LDB3: variants seen among roughly 807,000 people sequenced by gnomAD.
LDB3 encodes LIM domain-binding protein 3.
Under a neutral mutation model 69.0 loss-of-function variants are expected in LDB3, and 49 were observed. The ratio of observed to expected loss-of-function variants is 0.71; its 90% CI spans 0.56 to 0.90. The LOEUF is 0.90. LDB3 is among the 40% of genes least tolerant of loss of function. The probability of loss-of-function intolerance (pLI) is 0.00; values close to 1 mark genes in which losing one functional copy is unlikely to be tolerated. For missense variants in LDB3, 928 were observed against 974.1 expected, an observed-to-expected ratio of 0.95 and a Z score of 0.63; for synonymous variants, 387 against 396.2, an observed-to-expected ratio of 0.98 and a Z score of 0.28.
chr10:86,676,574 A>AAG (rs1564631218), intron 2 of LDB3, among the ~76,000 whole-genome samples: 3 of 143,866 alleles, frequency 2.1e-5, no homozygotes, highest in Admixed American at 7.1e-5. Context: ...CAAAAAAAAA[A>AAG]AAAAAGAGAA....
chr10:86,683,943 G>A (rs1411061419), intron 5 of LDB3, among the ~76,000 whole-genome samples: 1 of 152,230 alleles, frequency 6.6e-6, no homozygotes. Flanking sequence ...AACAGGCTGG[G>A]ACGGGTGGGT....
chr10:86,675,690 T>A (rs1844758075), intron 2 of LDB3, among the ~76,000 whole-genome samples: 1 of 152,344 alleles, frequency 6.6e-6, no homozygotes, highest in South Asian at 2.1e-4. Context: ...TTCTTTGAAA[T>A]GCCCGGCAAA....
At chr10:86,698,515 C>T (rs1332835039) in intron 7 of LDB3, among the ~76,000 whole-genome samples, 4 of 152,152 alleles carry the variant, frequency 2.6e-5, no homozygotes, top group Non-Finnish European at 4.4e-5. Context: ...TTCATTCCCA[C>T]GTTTCTGACT....
intron 2 of LDB3, among the ~76,000 whole-genome samples, chr10:86,678,104 TA>T (rs1844902538): frequency 6.7e-6 from 1 of 148,200 alleles, no homozygotes; most frequent in Non-Finnish European, 1.5e-5. Flanking sequence ...GGCATAATCT[TA>T]GCTCACTACA....
chr10:86,699,159 T>G lies in LDB3; in HGVS notation c.896+6588T>G. On this transcript the variant is annotated intron_variant, in intron 7 of 13. Coordinates refer to ENST00000361373, the MANE Select transcript of LDB3 (RefSeq NM_007078.3). This position sits in a 1 kb window ranked among gnomAD's most constrained non-coding sequence, Gnocchi z 4.9. ...CCTCCCATGCCCTCTGCCCCACCTG[T>G]TAGACAGGGGAATGGTGAACACATT... is the stretch of plus-strand genomic sequence containing the variant. 17 of 1,170,650 alleles carry G rather than the reference T, an allele frequency of 1.5e-5. No individual in the cohort carries two copies. The highest frequency in any genetic ancestry group is 5.2e-5 in the East Asian group (2 of 38,166). 72.5% of individuals were successfully genotyped at this position (1,170,650 alleles called of 1,614,324 possible).
At chr10:86,675,603 C>T (rs1471817750) in intron 2 of LDB3, among the ~76,000 whole-genome samples, 6 of 152,192 alleles carry the variant, frequency 3.9e-5, no homozygotes, top group Non-Finnish European at 1.5e-5. Flanking sequence ...TGTGGGGGAG[C>T]CCCATGGGCA....
chr10:86,690,509 T>C (rs1845705345), intron 5 of LDB3, among the ~76,000 whole-genome samples: 1 of 152,204 alleles, frequency 6.6e-6, no homozygotes, highest in African/African-American at 2.4e-5. Context: ...GGCAGGGCCT[T>C]CAGCGAAGCC....
chr10:86,691,867 C>G (rs1421943226), intron 5 of LDB3, 29 bp from the exon 6 acceptor site: 17 of 1,613,552 alleles, frequency 1.1e-5, no homozygotes, highest in Non-Finnish European at 1.4e-5. Context: ...CAGCCTAGCC[C>G]TCGCCCACGG....
At chr10:86,707,133 G>C (rs899332382) in intron 8 of LDB3, among the ~76,000 whole-genome samples, 1 of 152,098 alleles carries the variant, frequency 6.6e-6, no homozygotes, top group African/African-American at 2.4e-5. Flanking sequence ...AGTTGTCCCT[G>C]TGGGCTGGAG....
In LDB3 at chr10:86,668,727, C is replaced by A. The variant is rs1564626136; in HGVS notation, c.36C>A (p.Pro12=). The change falls in exon 2 of 14, where the codon CCC becomes CCA. Residue 12 remains proline (P), a synonymous_variant. Coordinates refer to ENST00000361373, the MANE Select transcript of LDB3 (RefSeq NM_007078.3). ...GTGTGACCCTGACTGGGCCCGGGCC[C>A]TGGGGCTTCCGTCTGCAGGGGGGCA... ...SYSVTLTGPG[P]WGFRLQGGKD... is the part of the protein sequence containing the mutation. 1 of 1,613,426 alleles carries A rather than the reference C, an allele frequency of 6.2e-7. No homozygotes were observed. The highest frequency in any genetic ancestry group is 8.5e-7 in the Non-Finnish European group (1 of 1,180,014).
rs529384337 is a variant in LDB3 at position 86,719,047 on chromosome 10, A to G, written c.1978+200A>G. Reference sequence around the variant, plus strand: ...GAAGTTAACTATCTCCCCTGCCCATATGGTTGCAGCTTTGGGGAGAGTGAG... The same window carrying G: ...GAAGTTAACTATCTCCCCTGCCCATGTGGTTGCAGCTTTGGGGAGAGTGAG... On this transcript the variant is annotated intron_variant, in intron 12 of 13. Transcript: ENST00000361373. Among the ~76,000 whole-genome samples the G allele has an allele frequency of 1.2e-4, 18 of 152,290 alleles. No homozygotes were observed. In the East Asian group the frequency reaches 2.7e-3, roughly 23 times the overall value.
At chr10:86,696,703 C>T (rs762906623) in intron 7 of LDB3, among the ~76,000 whole-genome samples, 1 of 152,128 alleles carries the variant, frequency 6.6e-6, no homozygotes, top group Non-Finnish European at 1.5e-5. Context: ...GTAGTGTCTA[C>T]GGGATGGTCA....
At chr10:86,726,014 A>C (rs1381348037) in intron 12 of LDB3, 123 bp from the exon 13 acceptor site, 11 of 706,336 alleles carry the variant, frequency 1.6e-5, no homozygotes, top group Non-Finnish European at 2.6e-5. Flanking sequence ...TTCATCTGTG[A>C]GATGACAAAC....
At chr10:86,688,050 CGTGTGT>C (rs71487273) in intron 5 of LDB3, among the ~76,000 whole-genome samples, 61 of 102,998 alleles carry the variant, frequency 5.9e-4, no homozygotes, top group East Asian at 1.3e-3. Context: ...CCCCGACCCT[CGTGTGT>C]GTGTGTGTGT....
chr10:86,735,407 T>C lies in LDB3; in HGVS notation c.*2431T>C, dbSNP rs933317549. 6.6e-6 allele frequency: 1 copy of C among 152,144 alleles called. No homozygotes were observed. Among genetic ancestry groups the C allele is most frequent in the Non-Finnish European group, 1.5e-5 (1 of 68,024 alleles). The allele number at this position is 152,144 out of a possible 1,614,324, so 9.4% of individuals were successfully genotyped here. ...TTTACATTTGGATGTCCTACAACAC[T>C]AAACAAAATTTTTCATAATCCATGG... On this transcript the variant is annotated 3_prime_UTR_variant, in exon 14 of 14. Transcript: ENST00000361373.
At chr10:86,694,788 C>A (rs1480277050) in intron 7 of LDB3, among the ~76,000 whole-genome samples, 2 of 152,230 alleles carry the variant, frequency 1.3e-5, no homozygotes, top group Non-Finnish European at 2.9e-5. Context: ...ACCTACATCA[C>A]TATCTGAGCA....
intron 5 of LDB3, chr10:86,685,719 C>G: frequency 6.2e-7 from 1 of 1,613,994 alleles, no homozygotes. Context: ...CAAAGGACAG[C>G]ATGTGTGTGC....
In LDB3 at chr10:86,732,936, G is replaced by A; in HGVS notation, c.2144G>A (p.Arg715Lys). ...EGQPFYSKKD[R>K]PLCKKHAHTI... The stretch of plus-strand genomic sequence containing the variant: ...CAGCCGTTCTACTCCAAGAAGGACA[G>A]ACCCCTGTGCAAGAAGCACGCACAC... The change falls in exon 14 of 14, where the codon AGA becomes AAA. Residue 715 changes from arginine (R) to lysine (K), a missense_variant. By Grantham distance (26) the Arg-to-Lys change is conservative (BLOSUM62 2). Transcript: ENST00000361373. The A allele has an allele frequency of 6.2e-7, 1 of 1,613,958 alleles. No individual in the cohort carries two copies. Among genetic ancestry groups the A allele is most frequent in the South Asian group, 1.1e-5 (1 of 91,020 alleles).
intron 2 of LDB3, among the ~76,000 whole-genome samples, chr10:86,670,218 A>T (rs1460205873): frequency 6.6e-6 from 1 of 151,934 alleles, no homozygotes; most frequent in Non-Finnish European, 1.5e-5. Flanking sequence ...TAACCTGGAG[A>T]TTCCACCCCT....
Sources: allele counts gnomAD v4.1 joint callset (sites outside exome capture counted in the v4.1 genomes callset), GRCh38; gene constraint gnomAD v4.1.1; non-coding constraint Gnocchi (gnomAD v3.1); transcripts MANE v1.5; gene names NCBI Gene and HGNC (gene_info 2026-07-23, HGNC 2026-07-21).